The following CAMSAP1 variants were observed in gnomAD, a reference collection of about 807,000 sequenced individuals.
CAMSAP1 encodes calmodulin-regulated spectrin-associated protein 1.
Under a neutral mutation model 143.5 loss-of-function variants are expected in CAMSAP1, and 58 were observed. The observed-to-expected ratio is 0.40, with a 90% CI of 0.33 to 0.50. The LOEUF (loss-of-function observed/expected upper bound fraction) is 0.50. Among genes scored for constraint, CAMSAP1 ranks in the 20% least tolerant of loss-of-function variants. The probability of loss-of-function intolerance (pLI) is 0.45; values close to 1 mark genes in which losing one functional copy is unlikely to be tolerated. For synonymous variants in CAMSAP1, 945 were observed against 859.3 expected, an observed-to-expected ratio of 1.10 and a Z score of -1.74; for missense variants, 1,969 against 2,115.7, an observed-to-expected ratio of 0.93 and a Z score of 1.36.
chr9:135,834,183 G>A (rs1336528171), intron 7 of CAMSAP1, among the ~76,000 whole-genome samples: 2 of 152,172 alleles, frequency 1.3e-5, no homozygotes, highest in Admixed American at 6.5e-5. Flanking sequence ...GAGAAAAGGT[G>A]AACCTTTGCA....
At chr9:135,817,639 T>C (rs1242892881) in intron 14 of CAMSAP1, 2 of 216,360 alleles carry the variant, frequency 9.2e-6, no homozygotes, top group Non-Finnish European at 1.9e-5. Context: ...GCCCAAGTGA[T>C]CCTCCTGCCT....
At chr9:135,902,380 T>C (rs1291369766) in intron 1 of CAMSAP1, among the ~76,000 whole-genome samples, 1 of 152,204 alleles carries the variant, frequency 6.6e-6, no homozygotes, top group Non-Finnish European at 1.5e-5. Flanking sequence ...CTCCAACCAC[T>C]GTTGCCCTCC....
chr9:135,879,199 T>C (rs1264187485), intron 3 of CAMSAP1, among the ~76,000 whole-genome samples: 1 of 152,090 alleles, frequency 6.6e-6, no homozygotes, highest in Non-Finnish European at 1.5e-5. Context: ...GAGCCGGAAA[T>C]ACAATGTATT....
chr9:135,898,574 G>A (rs939715031), intron 1 of CAMSAP1, among the ~76,000 whole-genome samples: 1 of 152,098 alleles, frequency 6.6e-6, no homozygotes, highest in Non-Finnish European at 1.5e-5. Flanking sequence ...AGGATTTTAA[G>A]ATACTTCATA....
chr9:135,837,210 C>G (rs1836094576), intron 7 of CAMSAP1, among the ~76,000 whole-genome samples: 1 of 151,678 alleles, frequency 6.6e-6, no homozygotes, highest in Non-Finnish European at 1.5e-5. Context: ...CAGAGACACA[C>G]GTCACCACGG....
intron 1 of CAMSAP1, among the ~76,000 whole-genome samples, chr9:135,887,996 G>A (rs1426421692): frequency 6.6e-6 from 1 of 152,220 alleles, no homozygotes; most frequent in Non-Finnish European, 1.5e-5. Flanking sequence ...CCAGTCTGCA[G>A]TGGAAGTGAG....
chr9:135,827,643 C>T, intron 7 of CAMSAP1, 59 bp from the exon 8 acceptor site: 1 of 1,409,920 alleles, frequency 7.1e-7, no homozygotes, highest in Non-Finnish European at 9.4e-7. Flanking sequence ...CACAGAAAAC[C>T]TAACCTGCAG....
At position 135,907,075 on chromosome 9, in the gene CAMSAP1, G is replaced by T. The variant is rs773688090; in HGVS notation, c.85C>A (p.Leu29Met). 2.4e-5 allele frequency: 28 copies of T among 1,170,422 alleles called. No individual in the cohort carries two copies. In the South Asian group the frequency reaches 7.3e-4, roughly 30 times the overall value. The allele number at this position is 1,170,422 out of a possible 1,614,324, so 72.5% of individuals were successfully genotyped here. A position where few individuals can be genotyped will look rare whatever the true frequency, so the allele number is the denominator to read the frequency against. Residue 29 changes from leucine to methionine, a missense_variant, in exon 1 of 17, where the codon CTG (leucine) becomes ATG (methionine). This residue lies in a region of CAMSAP1 where 215 missense variants were observed against 196.2 expected (regional missense o/e 1.10). Coordinates refer to ENST00000389532, the MANE Select transcript of CAMSAP1 (RefSeq NM_015447.4). ...PPDGAADLVP[L>M]DRYDAARAKI... Reference sequence around the variant, plus strand: ...GCGCGCGCCGCGTCGTAGCGGTCCAGGGGCACGAGGTCGGCGGCGCCGTCC... The same window carrying T: ...GCGCGCGCCGCGTCGTAGCGGTCCATGGGCACGAGGTCGGCGGCGCCGTCC...
At chr9:135,819,703 C>A (rs529379824) in intron 11 of CAMSAP1, among the ~76,000 whole-genome samples, 131 of 150,556 alleles carry the variant, frequency 8.7e-4, no homozygotes, top group African/African-American at 3.1e-3. Context: ...AAAAATTAGC[C>A]GGGCATGGTG....
intron 11 of CAMSAP1, among the ~76,000 whole-genome samples, chr9:135,819,393 C>T (rs747189190): frequency 1.3e-5 from 2 of 152,170 alleles, no homozygotes; most frequent in African/African-American, 2.4e-5. Context: ...AAAAAGTACA[C>T]GTATATTTCC....
At chr9:135,840,794 G>A (rs540974339) in intron 7 of CAMSAP1, among the ~76,000 whole-genome samples, 5 of 152,304 alleles carry the variant, frequency 3.3e-5, no homozygotes, top group Admixed American at 6.5e-5. Context: ...AAGGGAAGCC[G>A]TGAGGAATGG....
chr9:135,860,356 G>A (rs1489509396), intron 5 of CAMSAP1, among the ~76,000 whole-genome samples: 1 of 152,146 alleles, frequency 6.6e-6, no homozygotes, highest in African/African-American at 2.4e-5. Flanking sequence ...CCAGCACTTT[G>A]GGAGGCCAAG....
intron 7 of CAMSAP1, among the ~76,000 whole-genome samples, chr9:135,847,057 CCTA>C (rs1038833026): frequency 2.0e-5 from 3 of 152,062 alleles, no homozygotes; most frequent in Non-Finnish European, 4.4e-5. Flanking sequence ...TATAAATCAT[CCTA>C]CTATAGGCCG....
intron 7 of CAMSAP1, among the ~76,000 whole-genome samples, chr9:135,840,202 C>T (rs545741795): frequency 3.6e-4 from 55 of 152,312 alleles, no homozygotes; most frequent in African/African-American, 1.3e-3. Flanking sequence ...CACTACCCAA[C>T]GGTTGGCAGT....
intron 5 of CAMSAP1, 30 bp from the exon 6 acceptor site, chr9:135,850,491 T>C: frequency 6.5e-7 from 1 of 1,527,052 alleles, no homozygotes; most frequent in South Asian, 1.3e-5. Flanking sequence ...TCACAATTTA[T>C]TGTAAAGGTA....
At chr9:135,861,929 T>C (rs955155460) in intron 5 of CAMSAP1, among the ~76,000 whole-genome samples, 5 of 152,222 alleles carry the variant, frequency 3.3e-5, no homozygotes, top group Admixed American at 2.0e-4. Flanking sequence ...GGAGATACAC[T>C]GTCATCGGAA....
In CAMSAP1 at chr9:135,882,325, CCAAA is replaced by C. The variant is rs1241149909; in HGVS notation, c.423+487_423+490del. ...CTCACCGGGAACGCCATGGGAGCAACCAAACAAAGGCAGTGCAGGAGGCACCGAG... is the reference window on the plus strand; with the variant it reads ...CTCACCGGGAACGCCATGGGAGCAACCAAAGGCAGTGCAGGAGGCACCGAG... On this transcript the variant is annotated intron_variant, in intron 2 of 16. Transcript: ENST00000389532. The surrounding 1 kb of genome is among the most constrained non-coding windows in gnomAD (Gnocchi z 4.9). Among the ~76,000 whole-genome samples, 5 of 152,096 alleles carry C rather than the reference CCAAA, an allele frequency of 3.3e-5. No homozygotes were observed. The highest frequency in any genetic ancestry group is 9.7e-5 in the African/African-American group (4 of 41,410).
At position 135,821,682 on chromosome 9, in the gene CAMSAP1, C is replaced by G; in HGVS notation, c.2979G>C (p.Leu993=). ...TCACCTTATTTCTCTCCAGCTCGTG[C>G]AGAGCCACAGGGTCTTTTGCTTTAT... ...QQHKAKDPVA[L]HELERNKVIS... Residue 993 remains leucine (L), a synonymous_variant, in exon 11 of 17, where the codon CTG becomes CTC. Coordinates refer to ENST00000389532, the MANE Select transcript of CAMSAP1 (RefSeq NM_015447.4). This position sits in a 1 kb window ranked among gnomAD's most constrained non-coding sequence, Gnocchi z 4.6. The G allele has an allele frequency of 6.2e-7, 1 of 1,614,036 alleles. No individual in the cohort carries two copies.
chr9:135,825,042 G>C lies in CAMSAP1; in HGVS notation c.1224-162C>G, dbSNP rs551623777. On this transcript the variant is annotated intron_variant, in intron 8 of 16. Coordinates refer to ENST00000389532, the MANE Select transcript of CAMSAP1 (RefSeq NM_015447.4). ...CAATAAAAATGAGCCAAGAGTATCA[G>C]GAACTTCCAACCTGGGATGAACATC... 3.6e-4 allele frequency among the ~76,000 whole-genome samples: 55 copies of C among 152,314 alleles called. No homozygotes were observed. The South Asian group carries it at 0.011, about 29-fold the overall frequency.
Sources: gnomAD v4.1 joint callset for allele counts (sites outside exome capture counted in the v4.1 genomes callset) on GRCh38, gnomAD v4.1.1 for gene constraint, gnomAD v4.1.1 regional missense constraint, Gnocchi (gnomAD v3.1) non-coding constraint, MANE v1.5 for transcripts, NCBI Gene and HGNC (gene_info 2026-07-23, HGNC 2026-07-21) for gene names.